Variants in OPCML observed in about 807,000 individuals in gnomAD.
The protein encoded by OPCML is opioid-binding protein/cell adhesion molecule.
A neutral mutation model predicts 37.8 loss-of-function variants in OPCML; 13 were observed. The ratio of observed to expected loss-of-function variants is 0.34; its 90% CI spans 0.22 to 0.55. The LOEUF (loss-of-function observed/expected upper bound fraction) is 0.55. Among genes scored for constraint, OPCML ranks in the 20% least tolerant of loss-of-function variants. The pLI, the probability that OPCML is intolerant of heterozygous loss-of-function variation, is 0.91. For missense variants in OPCML, 341 were observed against 435.6 expected, an observed-to-expected ratio of 0.78 and a Z score of 1.93; for synonymous variants, 176 against 168.8, an observed-to-expected ratio of 1.04 and a Z score of -0.33.
intron 2 of OPCML, among the ~76,000 whole-genome samples, chr11:132,872,289 C>A (rs1376663290): frequency 3.3e-5 from 5 of 152,128 alleles, no homozygotes; most frequent in African/African-American, 1.2e-4. Flanking sequence ...TCTAAATATT[C>A]TTTCTTTTCC....
intron 1 of OPCML, among the ~76,000 whole-genome samples, chr11:133,316,225 C>A (rs1943201665): frequency 6.6e-6 from 1 of 152,154 alleles, no homozygotes; most frequent in East Asian, 1.9e-4. Context: ...GTGGTTGAAG[C>A]AGAAGGGGAG....
chr11:133,307,936 CT>C (rs558234926), intron 1 of OPCML, among the ~76,000 whole-genome samples: 8 of 150,652 alleles, frequency 5.3e-5, no homozygotes, highest in South Asian at 2.1e-4. Context: ...AGTTGTATAC[CT>C]TTTTTTTTAA....
intron 4 of OPCML, among the ~76,000 whole-genome samples, chr11:132,522,364 G>A (rs905653177): frequency 1.3e-5 from 2 of 152,138 alleles, no homozygotes; most frequent in African/African-American, 4.8e-5. Context: ...TAATAAAATA[G>A]TAAAAATTAT....
chr11:133,027,126 G>A (rs994141510), intron 1 of OPCML, among the ~76,000 whole-genome samples: 27 of 152,122 alleles, frequency 1.8e-4, no homozygotes, highest in African/African-American at 6.3e-4. Flanking sequence ...TCAGTTTTGT[G>A]GTGACCCACT....
intron 1 of OPCML, among the ~76,000 whole-genome samples, chr11:133,256,793 G>A (rs1415347694): frequency 2.0e-5 from 3 of 152,132 alleles, no homozygotes; most frequent in Non-Finnish European, 2.9e-5. Flanking sequence ...AGTTAAAAGT[G>A]TGCAGTTTGG....
intron 1 of OPCML, among the ~76,000 whole-genome samples, chr11:133,530,487 A>T (rs1253272240): frequency 1.3e-5 from 2 of 152,218 alleles, no homozygotes; most frequent in Non-Finnish European, 2.9e-5. Context: ...CGGAGCTGCC[A>T]TCCAGCTGGG....
chr11:132,497,524 A>G (rs1267712085), intron 4 of OPCML, among the ~76,000 whole-genome samples: 2 of 152,130 alleles, frequency 1.3e-5, no homozygotes, highest in African/African-American at 4.8e-5. Flanking sequence ...GTGATCAGAA[A>G]ATGTCTCAGT....
At chr11:132,797,049 C>T (rs758656168) in intron 2 of OPCML, among the ~76,000 whole-genome samples, 7 of 152,176 alleles carry the variant, frequency 4.6e-5, no homozygotes, top group Non-Finnish European at 7.3e-5. Flanking sequence ...TTTTCTCTCA[C>T]TCTGGGTTTT....
At chr11:132,995,075 G>A (rs1026043440) in intron 1 of OPCML, among the ~76,000 whole-genome samples, 3 of 152,180 alleles carry the variant, frequency 2.0e-5, no homozygotes, top group African/African-American at 7.2e-5. Flanking sequence ...TGTGATGAGT[G>A]CAGCATAACC....
At chr11:133,107,147 T>A (rs989017561) in intron 1 of OPCML, among the ~76,000 whole-genome samples, 13 of 152,332 alleles carry the variant, frequency 8.5e-5, no homozygotes, top group Admixed American at 2.0e-4. Context: ...AGGACACCTA[T>A]CCTGTGGTAG....
intron 4 of OPCML, among the ~76,000 whole-genome samples, chr11:132,466,076 C>T (rs1273496979): frequency 6.6e-6 from 1 of 152,148 alleles, no homozygotes; most frequent in African/African-American, 2.4e-5. Context: ...TAGGCCAACT[C>T]CCCTTCCTAC....
At chr11:132,928,386 T>C (rs992320162) in intron 2 of OPCML, among the ~76,000 whole-genome samples, 2 of 152,094 alleles carry the variant, frequency 1.3e-5, no homozygotes, top group Admixed American at 6.5e-5. Flanking sequence ...AAACACATGA[T>C]GTTATATAAT....
chr11:132,781,879 C>T (rs1947033132), intron 2 of OPCML, among the ~76,000 whole-genome samples: 1 of 148,880 alleles, frequency 6.7e-6, no homozygotes, highest in Non-Finnish European at 1.5e-5. Flanking sequence ...TATCCAATGA[C>T]GTCTTCTATC....
At position 133,174,414 on chromosome 11, in the gene OPCML, C is replaced by T. The variant is rs1378435089; in HGVS notation, c.62-231404G>A. The stretch of plus-strand genomic sequence containing the variant: ...GTGAAATAAGGCAGCTAAACCTTAC[C>T]TCTGGATATAGGAGAAGGAATGGTT... On this transcript the variant is annotated intron_variant, in intron 1 of 7. Coordinates refer to ENST00000524381, the MANE Select transcript of OPCML (RefSeq NM_001012393.5). This position sits in a 1 kb window ranked among gnomAD's most constrained non-coding sequence, Gnocchi z 4.6. 6.6e-6 allele frequency among the ~76,000 whole-genome samples: 1 copy of T among 152,066 alleles called. No homozygotes were observed.
Position 132,710,966 on chromosome 11 carries a change from G to T in OPCML, c.147-53647C>A, listed in dbSNP as rs566777118. 2.0e-5 allele frequency among the ~76,000 whole-genome samples: 3 copies of T among 152,280 alleles called. No individual in the cohort carries two copies. The East Asian group carries it at 5.8e-4, about 29-fold the overall frequency. ...CATAGGGAACACACAGTGAAACATG[G>T]ACTTTGCATGCTGTGGAGGAGGAAA... On this transcript the variant is annotated intron_variant, in intron 2 of 7. Coordinates refer to ENST00000524381, the MANE Select transcript of OPCML (RefSeq NM_001012393.5).
intron 3 of OPCML, among the ~76,000 whole-genome samples, chr11:132,633,198 G>A (rs1442567552): frequency 1.2e-4 from 18 of 152,052 alleles, no homozygotes; most frequent in Admixed American, 6.6e-4. Flanking sequence ...GGGGACAATC[G>A]GTAGCTCTCT....
chr11:132,815,363 G>A lies in OPCML; in HGVS notation c.146+127563C>T, dbSNP rs1013005171. Among the ~76,000 whole-genome samples the A allele has an allele frequency of 7.2e-5, 11 of 152,146 alleles. No individual in the cohort carries two copies. The South Asian group carries it at 1.5e-3, about 20-fold the overall frequency. The stretch of plus-strand genomic sequence containing the variant: ...ATGGCAGGGACCTCCTGTGAAGTAC[G>A]TGAGGATGGGAAGGGGCTACACAAA... On this transcript the variant is annotated intron_variant, in intron 2 of 7. Coordinates refer to ENST00000524381, the MANE Select transcript of OPCML (RefSeq NM_001012393.5).
At chr11:132,647,905 A>G (rs982421551) in intron 3 of OPCML, among the ~76,000 whole-genome samples, 1 of 152,236 alleles carries the variant, frequency 6.6e-6, no homozygotes, top group African/African-American at 2.4e-5. Context: ...TTCTATGCCT[A>G]TAGAGGAGAA....
Position 133,174,087 on chromosome 11 carries a change from T to C in OPCML, c.62-231077A>G, listed in dbSNP as rs1241955960. On this transcript the variant is annotated intron_variant, in intron 1 of 7. Transcript: ENST00000524381. The surrounding 1 kb of genome is among the most constrained non-coding windows in gnomAD (Gnocchi z 4.6). Reference sequence around the variant, plus strand: ...AACTAATTCAATCCTGTGAGATGCCTCGTTTGATTAATTTATGTCAGCGTT... The same window carrying C: ...AACTAATTCAATCCTGTGAGATGCCCCGTTTGATTAATTTATGTCAGCGTT... 6.6e-6 allele frequency among the ~76,000 whole-genome samples: 1 copy of C among 152,202 alleles called. No individual in the cohort carries two copies. The highest frequency in any genetic ancestry group is 2.4e-5 in the African/African-American group (1 of 41,454).
Sources: gnomAD v4.1 joint callset for allele counts (sites outside exome capture counted in the v4.1 genomes callset) on GRCh38, gnomAD v4.1.1 for gene constraint, Gnocchi (gnomAD v3.1) non-coding constraint, MANE v1.5 for transcripts, NCBI Gene and HGNC (gene_info 2026-07-23, HGNC 2026-07-21) for gene names.